Variants in BTC observed in about 807,000 individuals in gnomAD.
BTC encodes probetacellulin.
A neutral mutation model predicts 18.1 loss-of-function variants in BTC; 13 were observed. The observed-to-expected ratio is 0.72, with a 90% CI of 0.47 to 1.14. The LOEUF (loss-of-function observed/expected upper bound fraction) is 1.14. Ranked by LOEUF, BTC falls within the 50% of genes most tolerant of loss-of-function variation. The probability of loss-of-function intolerance (pLI) is 0.00; values close to 1 mark genes in which losing one functional copy is unlikely to be tolerated. For synonymous variants in BTC, 83 were observed against 79.4 expected (o/e 1.05, Z -0.24); for missense variants, 247 against 224.2 (o/e 1.10, Z -0.65).
chr4:74,770,976 G>A (rs367843812), intron 1 of BTC, among the ~76,000 whole-genome samples: 1 of 151,570 alleles, frequency 6.6e-6, no homozygotes, highest in African/African-American at 2.4e-5. Context: ...TGATGTATCT[G>A]GGGTTTGCTT....
At chr4:74,782,987 T>C (rs1725377034) in intron 1 of BTC, among the ~76,000 whole-genome samples, 1 of 152,230 alleles carries the variant, frequency 6.6e-6, no homozygotes, top group South Asian at 2.1e-4. Flanking sequence ...TCCTTGTAGA[T>C]TCTGGATATT....
intron 3 of BTC, among the ~76,000 whole-genome samples, chr4:74,754,250 G>A (rs1724538333): frequency 6.6e-6 from 1 of 152,162 alleles, no homozygotes; most frequent in Non-Finnish European, 1.5e-5. Context: ...CTGTAATAGG[G>A]GCACTATTTG....
rs1724259055 is a variant in BTC at position 74,745,182 on chromosome 4, C to T, written c.*1495G>A. The T allele has an allele frequency of 6.6e-6, 1 of 152,136 alleles. No individual in the cohort carries two copies. The highest frequency in any genetic ancestry group is 1.5e-5 in the Non-Finnish European group (1 of 68,028). The allele number at this position is 152,136 out of a possible 1,614,324, so 9.4% of individuals were successfully genotyped here. Reference sequence around the variant, plus strand: ...TGTGTTTCAAGTATGACCATTAAATCAGGAGAAAAAATAGATTTTGAAAAT... The same window carrying T: ...TGTGTTTCAAGTATGACCATTAAATTAGGAGAAAAAATAGATTTTGAAAAT... On this transcript the variant is annotated 3_prime_UTR_variant, in exon 6 of 6. Transcript: ENST00000395743.
At chr4:74,784,589 C>T (rs528983368) in intron 1 of BTC, among the ~76,000 whole-genome samples, 6 of 152,160 alleles carry the variant, frequency 3.9e-5, no homozygotes, top group South Asian at 2.1e-4. Flanking sequence ...ACTGTTTTGA[C>T]GTATATTCTT....
intron 3 of BTC, among the ~76,000 whole-genome samples, chr4:74,754,640 G>A (rs1465328031): frequency 6.6e-6 from 1 of 152,156 alleles, no homozygotes; most frequent in East Asian, 1.9e-4. Flanking sequence ...TAGGAATATG[G>A]TGAGATACAG....
chr4:74,762,123 G>A (rs755166523), intron 2 of BTC, among the ~76,000 whole-genome samples: 3 of 152,104 alleles, frequency 2.0e-5, no homozygotes, highest in Non-Finnish European at 2.9e-5. Flanking sequence ...TTCCTGCACC[G>A]TATTTATTTA....
At chr4:74,794,156 A>G (rs916590599) in intron 1 of BTC, 106 bp downstream of exon 1, 2 of 1,415,280 alleles carry the variant, frequency 1.4e-6, no homozygotes, top group South Asian at 1.2e-5. Flanking sequence ...TGCCAGCCCC[A>G]GCGCGCCCTC....
intron 1 of BTC, among the ~76,000 whole-genome samples, chr4:74,776,127 T>C (rs192168281): frequency 5.9e-5 from 9 of 152,170 alleles, no homozygotes; most frequent in Admixed American, 2.6e-4. Context: ...GAAAGCAATA[T>C]ATTTATGGTT....
intron 1 of BTC, among the ~76,000 whole-genome samples, chr4:74,770,518 C>T (rs867861182): frequency 7.2e-5 from 11 of 152,114 alleles, no homozygotes; most frequent in African/African-American, 1.9e-4. Context: ...TGAACCTGCA[C>T]GGCAAGCAAA....
chr4:74,773,168 T>C (rs1362795701), intron 1 of BTC, among the ~76,000 whole-genome samples: 1 of 152,184 alleles, frequency 6.6e-6, no homozygotes, highest in African/African-American at 2.4e-5. Context: ...GCCTGCACAG[T>C]TTTTAATAAT....
intron 1 of BTC, among the ~76,000 whole-genome samples, chr4:74,780,931 T>C (rs9998442): frequency 0.18 from 26,893 of 151,308 alleles, 3,996 homozygotes; most frequent in African/African-American, 0.41. Context: ...TATTATACTT[T>C]AAGTTTCAGG....
At chr4:74,753,523 A>G (rs764823774) in intron 3 of BTC, among the ~76,000 whole-genome samples, 17 of 152,204 alleles carry the variant, frequency 1.1e-4, no homozygotes, top group Non-Finnish European at 2.2e-4. Flanking sequence ...TACTGAGAAG[A>G]TTACTAAGAG....
chr4:74,777,684 G>C (rs1029848063), intron 1 of BTC, among the ~76,000 whole-genome samples: 1 of 151,986 alleles, frequency 6.6e-6, no homozygotes, highest in Non-Finnish European at 1.5e-5. Flanking sequence ...TACATACATA[G>C]TTCTTTGTGT....
chr4:74,777,178 G>C (rs1297869152), intron 1 of BTC, among the ~76,000 whole-genome samples: 1 of 152,138 alleles, frequency 6.6e-6, no homozygotes, highest in Non-Finnish European at 1.5e-5. Flanking sequence ...TTATAATTAA[G>C]ATTGAGTTTC....
chr4:74,750,903 C>G (rs1468681012), intron 3 of BTC, among the ~76,000 whole-genome samples, 184 bp from the exon 4 acceptor site: 2 of 152,058 alleles, frequency 1.3e-5, no homozygotes, highest in African/African-American at 4.8e-5. Context: ...TTGCTGAATA[C>G]CTGTCATCAC....
In BTC at chr4:74,745,156, T is replaced by C. The variant is rs967556465; in HGVS notation, c.*1521A>G. 6.6e-6 allele frequency: 1 copy of C among 152,240 alleles called. No homozygotes were observed. The highest frequency in any genetic ancestry group is 1.5e-5 in the Non-Finnish European group (1 of 68,038). 9.4% of individuals were successfully genotyped at this position (152,240 alleles called of 1,614,324 possible). A position where few individuals can be genotyped will look rare whatever the true frequency, so the allele number is the denominator to read the frequency against. ...TACAACATGGATCAGTTGGATATAA[T>C]TGTGTTTCAAGTATGACCATTAAAT... is the stretch of plus-strand genomic sequence containing the variant. On this transcript the variant is annotated 3_prime_UTR_variant, in exon 6 of 6. Transcript: ENST00000395743.
chr4:74,785,794 T>C (rs951402951), intron 1 of BTC, among the ~76,000 whole-genome samples: 2 of 152,202 alleles, frequency 1.3e-5, no homozygotes, highest in African/African-American at 4.8e-5. Flanking sequence ...ACACATATAG[T>C]TCTCCTAAAG....
chr4:74,762,587 G>A (rs1391437549), intron 2 of BTC, among the ~76,000 whole-genome samples: 1 of 151,894 alleles, frequency 6.6e-6, no homozygotes, highest in South Asian at 2.1e-4. Flanking sequence ...AGGAAAGGAG[G>A]GCTGAAGGAA....
rs1195379730 is a variant in BTC, at chr4:74,746,196, T to C, written c.*481A>G. 6.6e-6 allele frequency: 1 copy of C among 152,232 alleles called. No homozygotes were observed. The highest frequency in any genetic ancestry group is 1.9e-4 in the East Asian group (1 of 5,204). The allele number at this position is 152,232 out of a possible 1,614,324, so 9.4% of individuals were successfully genotyped here. A position where few individuals can be genotyped will look rare whatever the true frequency, so the allele number is the denominator to read the frequency against. ...AACTCTCTAAATCTGGATTAGATTA[T>C]TTGACTTGACTTCTTTGGCCCTGTT... On this transcript the variant is annotated 3_prime_UTR_variant, in exon 6 of 6. Transcript: ENST00000395743.
Sources: allele counts gnomAD v4.1 joint callset (sites outside exome capture counted in the v4.1 genomes callset), GRCh38; gene constraint gnomAD v4.1.1; transcripts MANE v1.5; gene names NCBI Gene and HGNC (gene_info 2026-07-23, HGNC 2026-07-21).